The following ZMYND8 variants were observed in gnomAD, a reference collection of about 807,000 sequenced individuals.
The protein encoded by ZMYND8 is zinc finger MYND-type containing 8, also known as MYND-type zinc finger-containing chromatin reader ZMYND8.
In ZMYND8, 37 loss-of-function variants were observed where a neutral mutation model predicts 140.8. The observed-to-expected ratio is 0.26, with a 90% CI of 0.20 to 0.35. ZMYND8 has a LOEUF of 0.35. ZMYND8 is among the 10% of genes least tolerant of loss of function. The pLI is 1.00. For missense variants in ZMYND8, 1,068 were observed against 1,570.0 expected (o/e 0.68, Z 5.40); for synonymous variants, 592 against 597.1 (o/e 0.99, Z 0.12).
chr20:47,312,249 T>G (rs1481232117), intron 2 of ZMYND8, among the ~76,000 whole-genome samples: 1 of 152,168 alleles, frequency 6.6e-6, no homozygotes, highest in African/African-American at 2.4e-5. Flanking sequence ...ACGCAAGGCC[T>G]CCTAGTGGTT....
chr20:47,319,430 T>A (rs941838621), intron 2 of ZMYND8: 5 of 224,546 alleles, frequency 2.2e-5, no homozygotes, highest in Admixed American at 1.6e-4. Flanking sequence ...TTTTTAACAT[T>A]TTTAGTAATT....
At chr20:47,244,287 G>A (rs570831234) in intron 14 of ZMYND8, among the ~76,000 whole-genome samples, 20 of 152,290 alleles carry the variant, frequency 1.3e-4, no homozygotes, top group Admixed American at 1.0e-3. Flanking sequence ...TAAGTCACTC[G>A]CCACATACAT....
chr20:47,220,518 C>A (rs566404242), intron 20 of ZMYND8, among the ~76,000 whole-genome samples, 194 bp from the exon 21 acceptor site: 1 of 152,352 alleles, frequency 6.6e-6, no homozygotes, highest in South Asian at 2.1e-4. Context: ...ATCTCCCACA[C>A]TGAACAGACT....
chr20:47,281,645 A>G (rs1361614470), intron 10 of ZMYND8, among the ~76,000 whole-genome samples: 1 of 152,214 alleles, frequency 6.6e-6, no homozygotes, highest in Admixed American at 6.5e-5. Flanking sequence ...TTCCCACTGT[A>G]GCTTCAGAGA....
chr20:47,325,093 C>T (rs570327712), intron 2 of ZMYND8, among the ~76,000 whole-genome samples: 21 of 152,100 alleles, frequency 1.4e-4, no homozygotes, highest in African/African-American at 4.8e-4. Flanking sequence ...TTGGTAGAGA[C>T]GGGGTTTCAC....
chr20:47,322,005 C>T (rs2079998653), intron 2 of ZMYND8, among the ~76,000 whole-genome samples: 1 of 151,930 alleles, frequency 6.6e-6, no homozygotes, highest in African/African-American at 2.4e-5. Flanking sequence ...GGACTACAGG[C>T]ACAGGCCACC....
chr20:47,325,954 T>C (rs1229168287), intron 2 of ZMYND8, among the ~76,000 whole-genome samples: 2 of 151,918 alleles, frequency 1.3e-5, no homozygotes, highest in South Asian at 2.1e-4. Flanking sequence ...TTTTATTTTA[T>C]TTATTTATCT....
Position 47,356,347 on chromosome 20 carries a change from G to A in ZMYND8, c.14+310C>T, listed in dbSNP as rs772224454. 88 of 1,409,520 alleles carry A rather than the reference G, an allele frequency of 6.2e-5. No individual in the cohort carries two copies. The Middle Eastern group carries it at 7.7e-4, about 12-fold the overall frequency. 87.3% of individuals were successfully genotyped at this position (1,409,520 alleles called of 1,614,324 possible). On this transcript the variant is annotated intron_variant, in intron 1 of 22. Transcript: ENST00000471951. ...GAAGAGGGAAAGAAAAAAAAAAAAAGAAGGAAAAAAAAAAGCTTCTTTTTT... is the reference window on the plus strand; with the variant it reads ...GAAGAGGGAAAGAAAAAAAAAAAAAAAAGGAAAAAAAAAAGCTTCTTTTTT...
intron 20 of ZMYND8, 103 bp downstream of exon 20, chr20:47,221,211 G>T (rs2036888659): frequency 1.4e-6 from 2 of 1,469,906 alleles, no homozygotes; most frequent in Admixed American, 1.9e-5. Context: ...GTTAGGACAA[G>T]CCTCCCACAA....
At chr20:47,236,820 T>C (rs2039298395) in intron 15 of ZMYND8, among the ~76,000 whole-genome samples, 1 of 152,188 alleles carries the variant, frequency 6.6e-6, no homozygotes. Flanking sequence ...CTGACAGTTT[T>C]GTTCCAGCCA....
At chr20:47,304,613 G>A (rs1050892302) in intron 3 of ZMYND8, among the ~76,000 whole-genome samples, 7 of 152,168 alleles carry the variant, frequency 4.6e-5, no homozygotes, top group Non-Finnish European at 8.8e-5. Flanking sequence ...TTCCTACAGA[G>A]GCCACACAGG....
intron 14 of ZMYND8, among the ~76,000 whole-genome samples, chr20:47,242,222 G>A (rs1221862372): frequency 2.6e-5 from 4 of 152,182 alleles, no homozygotes; most frequent in Non-Finnish European, 5.9e-5. Flanking sequence ...AAGCCAAGGA[G>A]GGAAAGAGAC....
chr20:47,339,034 G>A (rs966337949), intron 2 of ZMYND8, among the ~76,000 whole-genome samples: 8 of 149,570 alleles, frequency 5.3e-5, no homozygotes, highest in East Asian at 2.0e-4. Flanking sequence ...GTGCAGTGGC[G>A]TGATCTTGGC....
At chr20:47,340,659 C>T (rs565466890) in intron 2 of ZMYND8, among the ~76,000 whole-genome samples, 20 of 151,842 alleles carry the variant, frequency 1.3e-4, no homozygotes, top group Non-Finnish European at 2.4e-4. Flanking sequence ...CTGGGTGTGG[C>T]GGCGTATGCC....
intron 4 of ZMYND8, among the ~76,000 whole-genome samples, chr20:47,297,055 C>G (rs1055173523): frequency 1.3e-5 from 2 of 152,154 alleles, no homozygotes; most frequent in Non-Finnish European, 1.5e-5. Context: ...TTGGCCAAGA[C>G]TAAAGAAAAT....
At chr20:47,251,370 G>C (rs747525822) in intron 12 of ZMYND8, among the ~76,000 whole-genome samples, 6 of 152,070 alleles carry the variant, frequency 3.9e-5, no homozygotes, top group Non-Finnish European at 7.4e-5. Context: ...AGGATTGCTT[G>C]AGGCCAGGAG....
chr20:47,336,594 G>C (rs902070049), intron 2 of ZMYND8, among the ~76,000 whole-genome samples: 1 of 152,192 alleles, frequency 6.6e-6, no homozygotes, highest in African/African-American at 2.4e-5. Context: ...CAAGGCGCTT[G>C]TTCTGACTCA....
intron 12 of ZMYND8, among the ~76,000 whole-genome samples, chr20:47,261,607 G>A (rs1170972802): frequency 6.6e-6 from 1 of 151,736 alleles, no homozygotes; most frequent in Non-Finnish European, 1.5e-5. Flanking sequence ...AGGGAATAAA[G>A]ACCAGAGTGT....
At chr20:47,253,029 T>C (rs1353693456) in intron 12 of ZMYND8, among the ~76,000 whole-genome samples, 1 of 152,248 alleles carries the variant, frequency 6.6e-6, no homozygotes, top group East Asian at 1.9e-4. Flanking sequence ...TGTGGATGTG[T>C]TCCAGTAAAC....
Sources: gnomAD v4.1 joint callset for allele counts (sites outside exome capture counted in the v4.1 genomes callset) on GRCh38, gnomAD v4.1.1 for gene constraint, MANE v1.5 for transcripts, NCBI Gene and HGNC (gene_info 2026-07-23, HGNC 2026-07-21) for gene names.